GSG1L: variants seen among roughly 807,000 people sequenced by gnomAD.
GSG1L encodes the protein germ cell-specific gene 1-like protein.
Under a neutral mutation model 42.1 loss-of-function variants are expected in GSG1L, and 24 were observed. The observed-to-expected ratio is 0.57, with a 90% confidence interval of 0.41 to 0.80. GSG1L has a LOEUF of 0.80. Among genes scored for constraint, GSG1L ranks in the 30% least tolerant of loss-of-function variants. The probability of loss-of-function intolerance (pLI) is 0.00; values close to 1 mark genes in which losing one functional copy is unlikely to be tolerated. For missense variants in GSG1L, 445 were observed against 472.2 expected, an observed-to-expected ratio of 0.94 and a Z score of 0.53; for synonymous variants, 215 against 203.5, an observed-to-expected ratio of 1.06 and a Z score of -0.48.
At chr16:27,842,866 G>A (rs2083402276) in intron 4 of GSG1L, among the ~76,000 whole-genome samples, 1 of 151,968 alleles carries the variant, frequency 6.6e-6, no homozygotes, top group African/African-American at 2.4e-5. Flanking sequence ...TGGACCTGCT[G>A]TTCCCTCTGC....
chr16:27,925,135 A>G lies in GSG1L; in HGVS notation c.397+38021T>C, dbSNP rs370858246. On this transcript the variant is annotated intron_variant, in intron 2 of 6. Transcript: ENST00000447459. ...GACAGATATTAGGGAGACAGCTCAC[A>G]GTAATTGTCTTGTTCCCACTTCACA... 3.9e-5 allele frequency among the ~76,000 whole-genome samples: 6 copies of G among 152,250 alleles called. No homozygotes were observed. The East Asian group carries it at 5.8e-4, about 15-fold the overall frequency.
intron 1 of GSG1L, among the ~76,000 whole-genome samples, chr16:27,988,218 T>C (rs1384199717): frequency 6.6e-6 from 1 of 152,002 alleles, no homozygotes; most frequent in Non-Finnish European, 1.5e-5. Context: ...AATACTGATA[T>C]AAGACAGTAC....
At chr16:27,899,090 G>T (rs140895070) in intron 2 of GSG1L, among the ~76,000 whole-genome samples, 5 of 152,222 alleles carry the variant, frequency 3.3e-5, no homozygotes, top group Non-Finnish European at 5.9e-5. Context: ...GAGGAGGCTG[G>T]CATGGGAGGC....
chr16:27,873,078 G>C (rs746111016), intron 3 of GSG1L, among the ~76,000 whole-genome samples: 1 of 152,134 alleles, frequency 6.6e-6, no homozygotes, highest in Non-Finnish European at 1.5e-5. Context: ...TTCGGGTCTG[G>C]ACAAGGGACC....
chr16:27,936,155 C>T (rs531534876), intron 2 of GSG1L, among the ~76,000 whole-genome samples: 1 of 152,134 alleles, frequency 6.6e-6, no homozygotes, highest in Admixed American at 6.5e-5. Flanking sequence ...AGGAAGTGGT[C>T]AGACTCACAG....
At chr16:27,964,616 G>A (rs1178327053) in intron 1 of GSG1L, among the ~76,000 whole-genome samples, 1 of 152,204 alleles carries the variant, frequency 6.6e-6, no homozygotes, top group Non-Finnish European at 1.5e-5. Flanking sequence ...GCTGTCATTT[G>A]CAACCACATG....
chr16:27,826,451 T>A (rs16977003), intron 5 of GSG1L, among the ~76,000 whole-genome samples: 3 of 151,880 alleles, frequency 2.0e-5, no homozygotes, highest in Non-Finnish European at 4.4e-5. Flanking sequence ...CACTGAAAGG[T>A]GTTAATGCCC....
intron 4 of GSG1L, among the ~76,000 whole-genome samples, chr16:27,832,136 T>C (rs1000966643): frequency 2.0e-5 from 3 of 152,212 alleles, no homozygotes; most frequent in Admixed American, 2.0e-4. Flanking sequence ...TTTCCTTTCA[T>C]TTATTTACTC....
At chr16:27,926,536 C>A (rs1177470469) in intron 2 of GSG1L, among the ~76,000 whole-genome samples, 5 of 149,662 alleles carry the variant, frequency 3.3e-5, no homozygotes, top group Non-Finnish European at 6.0e-5. Flanking sequence ...AACAAAAAAA[C>A]AAAACTAGCT....
At chr16:27,812,465 G>T (rs1286313942) in intron 5 of GSG1L, among the ~76,000 whole-genome samples, 1 of 152,242 alleles carries the variant, frequency 6.6e-6, no homozygotes, top group African/African-American at 2.4e-5. Context: ...TGCCGTGAAA[G>T]CAGACATAGA....
intron 1 of GSG1L, among the ~76,000 whole-genome samples, chr16:28,034,895 A>G (rs1228878825): frequency 6.6e-6 from 1 of 152,222 alleles, no homozygotes; most frequent in African/African-American, 2.4e-5. Flanking sequence ...GAGAACCCCT[A>G]TACTAGCAAA....
chr16:28,020,159 A>G (rs2085824517), intron 1 of GSG1L, among the ~76,000 whole-genome samples: 2 of 152,342 alleles, frequency 1.3e-5, no homozygotes, highest in South Asian at 4.1e-4. Flanking sequence ...CAAAGAGATC[A>G]AAATCGGCCC....
At chr16:27,830,888 C>T (rs765092601) in intron 4 of GSG1L, among the ~76,000 whole-genome samples, 5 of 152,256 alleles carry the variant, frequency 3.3e-5, no homozygotes, top group Non-Finnish European at 2.9e-5. Context: ...GTTTTGCCTG[C>T]TCAGTAGCCA....
intron 2 of GSG1L, among the ~76,000 whole-genome samples, chr16:27,927,882 C>T (rs1047218479): frequency 7.2e-5 from 11 of 152,230 alleles, no homozygotes; most frequent in African/African-American, 2.6e-4. Context: ...TCTTGGGAGG[C>T]GTGTGGGGTG....
chr16:27,817,476 C>G (rs958357891), intron 5 of GSG1L, among the ~76,000 whole-genome samples: 3 of 152,032 alleles, frequency 2.0e-5, no homozygotes, highest in Non-Finnish European at 4.4e-5. Flanking sequence ...GACTAAGACT[C>G]CCCCCACCCC....
At chr16:28,020,287 C>T (rs75011102) in intron 1 of GSG1L, among the ~76,000 whole-genome samples, 19 of 152,268 alleles carry the variant, frequency 1.2e-4, no homozygotes, top group East Asian at 7.7e-4. Flanking sequence ...TACTCCAAAG[C>T]GCTGCTATTC....
chr16:27,971,673 T>C (rs1432900971), intron 1 of GSG1L, among the ~76,000 whole-genome samples: 1 of 152,164 alleles, frequency 6.6e-6, no homozygotes, highest in Non-Finnish European at 1.5e-5. Context: ...AAATGTCCAA[T>C]ATAATATTAA....
chr16:27,861,594 G>A (rs34917467), intron 3 of GSG1L, among the ~76,000 whole-genome samples: 78,731 of 151,832 alleles, frequency 0.52, 20,821 homozygotes, highest in African/African-American at 0.64. Flanking sequence ...GAAACACCCT[G>A]AAAGTCTACC....
At chr16:28,056,753 T>C (rs1351493459) in intron 1 of GSG1L, among the ~76,000 whole-genome samples, 1 of 152,054 alleles carries the variant, frequency 6.6e-6, no homozygotes, top group Non-Finnish European at 1.5e-5. Context: ...CAGCACGATG[T>C]GACCGGGACA....
Sources: allele counts gnomAD v4.1 joint callset (sites outside exome capture counted in the v4.1 genomes callset), GRCh38; gene constraint gnomAD v4.1.1; transcripts MANE v1.5; gene names NCBI Gene and HGNC (gene_info 2026-07-23, HGNC 2026-07-21).